Variants in NPAS3 observed in about 807,000 individuals in gnomAD.
NPAS3 encodes neuronal PAS domain protein 3.
NPAS3 carries 14 observed loss-of-function variants against 73.1 expected under a neutral mutation model. The ratio of observed to expected loss-of-function variants is 0.19; its 90% CI spans 0.13 to 0.30. The LOEUF (loss-of-function observed/expected upper bound fraction) is 0.30, where lower values mean the gene tolerates loss of function less well. NPAS3 is among the 10% of genes least tolerant of loss of function. The pLI is 1.00. For synonymous variants in NPAS3, 620 were observed against 541.5 expected (o/e 1.14, Z -2.01); for missense variants, 1,096 against 1,250.0 (o/e 0.88, Z 1.86).
At chr14:33,037,435 A>G (rs2040205066) in intron 1 of NPAS3, among the ~76,000 whole-genome samples, 1 of 151,542 alleles carries the variant, frequency 6.6e-6, no homozygotes, top group Non-Finnish European at 1.5e-5. Flanking sequence ...GTTTGAGCCC[A>G]TGAGTTTGAG....
At chr14:33,580,609 C>T (rs1379466798) in intron 5 of NPAS3, among the ~76,000 whole-genome samples, 6 of 152,156 alleles carry the variant, frequency 3.9e-5, no homozygotes, top group Admixed American at 1.3e-4. Flanking sequence ...GTGTGGTTGC[C>T]TGCTGCCTCA....
chr14:33,325,817 T>C (rs2043679285), intron 3 of NPAS3, among the ~76,000 whole-genome samples: 1 of 151,686 alleles, frequency 6.6e-6, no homozygotes, highest in African/African-American at 2.4e-5. Context: ...GTAACCATCC[T>C]TCTATGATAA....
At chr14:33,509,623 G>T (rs978302033) in intron 4 of NPAS3, among the ~76,000 whole-genome samples, 3 of 152,032 alleles carry the variant, frequency 2.0e-5, no homozygotes, top group African/African-American at 7.2e-5. Context: ...GAGACCTGGA[G>T]GAGGAGGTGG....
intron 5 of NPAS3, among the ~76,000 whole-genome samples, chr14:33,604,318 TG>T (rs1448214459): frequency 6.7e-6 from 1 of 149,298 alleles, no homozygotes; most frequent in Non-Finnish European, 1.5e-5. Context: ...AGTAAATATA[TG>T]AAAAAAACTG....
At chr14:33,135,814 G>C (rs2043810489) in intron 2 of NPAS3, among the ~76,000 whole-genome samples, 1 of 152,180 alleles carries the variant, frequency 6.6e-6, no homozygotes, top group South Asian at 2.1e-4. Context: ...AGCTCAGCCA[G>C]TTCCAGCAGC....
intron 3 of NPAS3, among the ~76,000 whole-genome samples, chr14:33,289,750 A>G (rs1054995173): frequency 6.6e-6 from 1 of 151,490 alleles, no homozygotes; most frequent in Non-Finnish European, 1.5e-5. Flanking sequence ...TGAGCCCAGG[A>G]GTCGGAGGTT....
At chr14:33,543,983 ATATATATATATATATATATC>A (rs1208157701) in intron 4 of NPAS3, among the ~76,000 whole-genome samples, 3 of 36,670 alleles carry the variant, frequency 8.2e-5, no homozygotes, top group African/African-American at 5.2e-4. Context: ...ATATATATAT[ATATATATATATATATATATC>A]TATATCAGGA....
At chr14:33,692,959 C>A (rs1351495113) in intron 6 of NPAS3, among the ~76,000 whole-genome samples, 1 of 151,622 alleles carries the variant, frequency 6.6e-6, no homozygotes, top group African/African-American at 2.4e-5. Flanking sequence ...CTTTCAGATC[C>A]CAGAGCTTGG....
chr14:33,700,131 G>A lies in NPAS3; in HGVS notation c.733+23746G>A, dbSNP rs117085984. On this transcript the variant is annotated intron_variant, in intron 6 of 11. Transcript: ENST00000356141. ...TAATAGTCTTTGTAGGATGGCTGCC[G>A]TGTCAGCATTTATCTTGAAACTCAT... Among the ~76,000 whole-genome samples, 1,077 of 152,196 alleles carry A rather than the reference G, an allele frequency of 7.1e-3. 33 individuals carry two copies. The East Asian group carries it at 0.099, about 14-fold the overall frequency.
Position 33,356,984 on chromosome 14 carries a change from C to T in NPAS3, c.386-10202C>T, listed in dbSNP as rs150151537. On this transcript the variant is annotated intron_variant, in intron 3 of 11. Transcript: ENST00000356141. ...TCAGACAGTCTTGTAAGCCTGTTTA[C>T]TAATCTGCATTCTCCAAATTGTGCT... 8.5e-3 allele frequency among the ~76,000 whole-genome samples: 1,301 copies of T among 152,294 alleles called. 63 individuals are homozygous for T. The highest frequency in any genetic ancestry group is 0.076 in the Admixed American group (1,167 of 15,302).
At chr14:33,519,689 T>C (rs1367359229) in intron 4 of NPAS3, among the ~76,000 whole-genome samples, 1 of 152,188 alleles carries the variant, frequency 6.6e-6, no homozygotes, top group African/African-American at 2.4e-5. Flanking sequence ...TATACGTACC[T>C]GGCAAGTTGA....
At chr14:33,488,174 G>A (rs762466803) in intron 4 of NPAS3, among the ~76,000 whole-genome samples, 1 of 152,030 alleles carries the variant, frequency 6.6e-6, no homozygotes, top group Non-Finnish European at 1.5e-5. Context: ...TTGGAGTGGA[G>A]AAAGTGGATT....
At chr14:32,952,603 T>A (rs536186511) in intron 1 of NPAS3, among the ~76,000 whole-genome samples, 41 of 151,962 alleles carry the variant, frequency 2.7e-4, no homozygotes, top group African/African-American at 8.7e-4. Context: ...AAAAAAAAAA[T>A]TTAATTTTAT....
intron 2 of NPAS3, chr14:33,213,678 G>T (rs2047118426): frequency 6.6e-6 from 1 of 152,194 alleles, no homozygotes; most frequent in South Asian, 2.1e-4. Context: ...AAGGGGCAAA[G>T]ATTTTGTCAC....
chr14:33,398,129 A>T (rs932710312), intron 4 of NPAS3, among the ~76,000 whole-genome samples: 5 of 147,790 alleles, frequency 3.4e-5, no homozygotes, highest in Admixed American at 2.0e-4. Context: ...TGGGTCTTAG[A>T]GAGAAGGTTT....
intron 6 of NPAS3, among the ~76,000 whole-genome samples, chr14:33,724,159 G>T (rs1463951541): frequency 6.6e-6 from 1 of 151,976 alleles, no homozygotes; most frequent in Non-Finnish European, 1.5e-5. Flanking sequence ...CAAAAAAATG[G>T]GATGTATTTG....
chr14:33,393,422 C>G (rs2138640727), intron 4 of NPAS3, among the ~76,000 whole-genome samples: 1 of 152,296 alleles, frequency 6.6e-6, no homozygotes, highest in East Asian at 1.9e-4. Flanking sequence ...CTATGCACTA[C>G]TTCATGCATG....
chr14:33,655,764 TACAAGACTGCAAG>T (rs919059065), intron 5 of NPAS3, among the ~76,000 whole-genome samples: 1 of 152,072 alleles, frequency 6.6e-6, no homozygotes, highest in Non-Finnish European at 1.5e-5. Context: ...TTTTGAAGAG[TACAAGACTGCAAG>T]AACTTGTACC....
intron 3 of NPAS3, among the ~76,000 whole-genome samples, chr14:33,266,902 G>A (rs1232457280): frequency 6.6e-6 from 1 of 152,122 alleles, no homozygotes; most frequent in Non-Finnish European, 1.5e-5. Context: ...TGAATGCAGA[G>A]GACTGTTAGG....
Sources: gnomAD v4.1 joint callset for allele counts (sites outside exome capture counted in the v4.1 genomes callset) on GRCh38, gnomAD v4.1.1 for gene constraint, MANE v1.5 for transcripts, NCBI Gene and HGNC (gene_info 2026-07-23, HGNC 2026-07-21) for gene names.